CFAP95: variants seen among roughly 807,000 people sequenced by gnomAD.
CFAP95 encodes the protein cilia and flagella associated protein 95.
chr9:69,829,473 A>C, the CFAP95 span, among the ~76,000 whole-genome samples: 1 of 152,218 alleles, frequency 6.6e-6, no homozygotes, highest in African/African-American at 2.4e-5. Context: ...AAGTATACAG[A>C]AGAGGCATTT....
chr9:69,846,426 T>C, the CFAP95 span, among the ~76,000 whole-genome samples: 1 of 152,198 alleles, frequency 6.6e-6, no homozygotes, highest in Non-Finnish European at 1.5e-5. Flanking sequence ...GTGTATTCAA[T>C]AGAAAAGAAA....
the CFAP95 span, among the ~76,000 whole-genome samples, chr9:69,888,853 G>C: frequency 6.6e-6 from 1 of 151,338 alleles, no homozygotes; most frequent in African/African-American, 2.4e-5. Flanking sequence ...ATTCCAGCCT[G>C]GGTGATGGAG....
At chr9:69,894,260 T>G in the CFAP95 span, among the ~76,000 whole-genome samples, 1 of 152,204 alleles carries the variant, frequency 6.6e-6, no homozygotes, top group Non-Finnish European at 1.5e-5. Flanking sequence ...AAGAACCACA[T>G]TTCCTAGGCC....
chr9:69,888,436 A>G, the CFAP95 span, among the ~76,000 whole-genome samples: 2 of 152,212 alleles, frequency 1.3e-5, no homozygotes, highest in African/African-American at 4.8e-5. Flanking sequence ...AGCAAAGGAA[A>G]TAATATATGG....
chr9:69,870,512 C>T, the CFAP95 span, among the ~76,000 whole-genome samples: 4 of 152,322 alleles, frequency 2.6e-5, no homozygotes, highest in African/African-American at 4.8e-5. Context: ...TATTAACTAG[C>T]TTTCATCCTT....
the CFAP95 span, among the ~76,000 whole-genome samples, chr9:69,830,247 C>A: frequency 6.0e-4 from 92 of 152,216 alleles, no homozygotes; most frequent in Admixed American, 1.7e-3. Flanking sequence ...TATGTCTTTC[C>A]CTGGACCAAG....
chr9:69,891,549 C>T, the CFAP95 span, among the ~76,000 whole-genome samples: 1 of 151,526 alleles, frequency 6.6e-6, no homozygotes, highest in South Asian at 2.1e-4. Context: ...TCTAAACTAC[C>T]TATTGGGTAC....
chr9:69,860,582 C>T, the CFAP95 span, among the ~76,000 whole-genome samples: 315 of 145,986 alleles, frequency 2.2e-3, 2 homozygotes, highest in African/African-American at 7.5e-3. Context: ...GCTTGTGGCA[C>T]CTTTTTTACT....
chr9:69,861,577 C>T, the CFAP95 span, among the ~76,000 whole-genome samples: 1 of 152,012 alleles, frequency 6.6e-6, no homozygotes, highest in Admixed American at 6.5e-5. Flanking sequence ...TTTGGAGCAA[C>T]ACCTGTTTTT....
the CFAP95 span, among the ~76,000 whole-genome samples, chr9:69,836,801 A>G: frequency 6.7e-6 from 1 of 149,484 alleles, no homozygotes; most frequent in East Asian, 2.0e-4. Context: ...ACATATGTAT[A>G]CATGTGCCAT....
At chr9:69,869,829 C>A in the CFAP95 span, among the ~76,000 whole-genome samples, 15 of 151,494 alleles carry the variant, frequency 9.9e-5, no homozygotes, top group Admixed American at 6.6e-4. Flanking sequence ...TCCTTTAATC[C>A]CATGTATATT....
At chr9:69,880,444 CAT>C in the CFAP95 span, among the ~76,000 whole-genome samples, 1 of 152,130 alleles carries the variant, frequency 6.6e-6, no homozygotes, top group Non-Finnish European at 1.5e-5. Context: ...TTTCACTTAA[CAT>C]AGTGATCTCC....
At chr9:69,906,054 A>G in the CFAP95 span, 2 of 1,613,446 alleles carry the variant, frequency 1.2e-6, no homozygotes, top group Non-Finnish European at 1.7e-6. Context: ...AACACTTGGC[A>G]TGATGAGAGT....
chr9:69,831,358 C>A, the CFAP95 span, among the ~76,000 whole-genome samples: 1 of 151,990 alleles, frequency 6.6e-6, no homozygotes. Flanking sequence ...AGTAAGGATC[C>A]AGAAGCATTA....
At chr9:69,836,396 G>C in the CFAP95 span, among the ~76,000 whole-genome samples, 3 of 152,196 alleles carry the variant, frequency 2.0e-5, no homozygotes, top group East Asian at 5.8e-4. Flanking sequence ...TCCTCTACCC[G>C]CTAGACACTG....
At chr9:69,833,777 A>G in the CFAP95 span, among the ~76,000 whole-genome samples, 1 of 152,162 alleles carries the variant, frequency 6.6e-6, no homozygotes, top group Non-Finnish European at 1.5e-5. Flanking sequence ...CTGTTTTTGA[A>G]TGAATTCTAG....
the CFAP95 span, among the ~76,000 whole-genome samples, chr9:69,868,898 G>C: frequency 1.3e-5 from 2 of 150,952 alleles, no homozygotes; most frequent in African/African-American, 4.9e-5. Context: ...ATTTAAAAAG[G>C]TGCTCAACAT....
chr9:69,883,832 CAATTA>C, the CFAP95 span, among the ~76,000 whole-genome samples: 2 of 8,688 alleles, frequency 2.3e-4, no homozygotes, highest in Admixed American at 4.1e-3. Flanking sequence ...TAAAAAAAAA[CAATTA>C]AAAAAAAATC....
chr9:69,838,245 T>G, the CFAP95 span, among the ~76,000 whole-genome samples: 1,019 of 152,186 alleles, frequency 6.7e-3, 9 homozygotes, highest in African/African-American at 0.023. Context: ...GAACTTTAAA[T>G]TAGTTTTTTC....
Sources: allele counts gnomAD v4.1 joint callset (sites outside exome capture counted in the v4.1 genomes callset), GRCh38; gene constraint gnomAD v4.1.1; transcripts MANE v1.5; gene names NCBI Gene and HGNC (gene_info 2026-07-23, HGNC 2026-07-21).